The following NBEA variants were observed in gnomAD, a reference collection of about 807,000 sequenced individuals.
NBEA encodes the protein lysosomal-trafficking regulator 2.
A neutral mutation model predicts 343.4 loss-of-function variants in NBEA; 44 were observed. The ratio of observed to expected loss-of-function variants is 0.13; its 90% CI spans 0.10 to 0.16. NBEA has a LOEUF of 0.16. Ranked by LOEUF, NBEA falls within the 10% of genes least tolerant of loss-of-function variation. NBEA has a pLI of 1.00. For missense variants in NBEA, 2,555 were observed against 3,631.3 expected (o/e 0.70, Z 7.62); for synonymous variants, 1,175 against 1,238.7 (o/e 0.95, Z 1.08).
intron 1 of NBEA, among the ~76,000 whole-genome samples, chr13:35,032,314 T>C (rs2062257906): frequency 6.6e-6 from 1 of 151,760 alleles, no homozygotes; most frequent in Admixed American, 6.6e-5. Flanking sequence ...CAGCACCTGT[T>C]ATTTTTGACT....
At chr13:34,950,980 G>A (rs1053103166) in intron 1 of NBEA, among the ~76,000 whole-genome samples, 1 of 152,038 alleles carries the variant, frequency 6.6e-6, no homozygotes, top group Non-Finnish European at 1.5e-5. Flanking sequence ...GTAAGATCCT[G>A]TCTCACAAAA....
At chr13:35,295,854 T>C (rs966999136) in intron 35 of NBEA, among the ~76,000 whole-genome samples, 3 of 152,204 alleles carry the variant, frequency 2.0e-5, no homozygotes, top group Non-Finnish European at 4.4e-5. Context: ...TACTTTTGAT[T>C]AGTTCTATGA....
At chr13:35,577,517 G>C (rs1301866672) in intron 45 of NBEA, among the ~76,000 whole-genome samples, 3 of 151,946 alleles carry the variant, frequency 2.0e-5, no homozygotes, top group African/African-American at 7.3e-5. Flanking sequence ...TTGTTCATTA[G>C]CTTCTTATTG....
At position 35,263,828 on chromosome 13, in the gene NBEA, A is replaced by G. The variant is rs570600686; in HGVS notation, c.5777-26561A>G. On this transcript the variant is annotated intron_variant, in intron 34 of 58. Coordinates refer to ENST00000379939, the MANE Select transcript of NBEA (RefSeq NM_001385012.1). ...ATAAATGCCTACATCAAAAAAGAAG[A>G]AAGATCTCACACAACCTACAGTGTA... Among the ~76,000 whole-genome samples, 5 of 152,150 alleles carry G rather than the reference A, an allele frequency of 3.3e-5. No individual in the cohort carries two copies. In the East Asian group the frequency reaches 9.6e-4, roughly 29 times the overall value.
intron 41 of NBEA, among the ~76,000 whole-genome samples, chr13:35,538,339 A>G (rs1438915697): frequency 6.6e-6 from 1 of 152,234 alleles, no homozygotes; most frequent in East Asian, 1.9e-4. Context: ...TTGAACTATC[A>G]GAAAGCAAAG....
intron 38 of NBEA, among the ~76,000 whole-genome samples, chr13:35,367,592 A>G (rs2041195111): frequency 6.7e-6 from 1 of 150,042 alleles, no homozygotes; most frequent in Non-Finnish European, 1.5e-5. Context: ...TTCTATTACC[A>G]TTATTCAGTA....
chr13:35,327,441 C>A (rs1000651934), intron 36 of NBEA, among the ~76,000 whole-genome samples: 5 of 152,056 alleles, frequency 3.3e-5, no homozygotes, highest in Admixed American at 3.3e-4. Flanking sequence ...GAATACTATG[C>A]AGCCATAAAG....
intron 36 of NBEA, among the ~76,000 whole-genome samples, chr13:35,328,140 G>A (rs1274964333): frequency 6.6e-6 from 1 of 151,812 alleles, no homozygotes; most frequent in African/African-American, 2.4e-5. Context: ...ATGACAGAAG[G>A]TATTAGAACT....
intron 55 of NBEA, among the ~76,000 whole-genome samples, chr13:35,660,261 C>A (rs2085022222): frequency 6.6e-6 from 1 of 152,134 alleles, no homozygotes; most frequent in Non-Finnish European, 1.5e-5. Flanking sequence ...GCTCAAAAGC[C>A]AATCTGCTTT....
intron 1 of NBEA, among the ~76,000 whole-genome samples, chr13:34,991,967 T>C (rs1209675820): frequency 6.7e-6 from 1 of 150,176 alleles, no homozygotes; most frequent in African/African-American, 2.4e-5. Flanking sequence ...ACCACTGTCT[T>C]ATGGTTGTTT....
intron 38 of NBEA, among the ~76,000 whole-genome samples, chr13:35,364,019 C>T (rs1042966794): frequency 6.6e-6 from 1 of 151,878 alleles, no homozygotes; most frequent in African/African-American, 2.4e-5. Context: ...GTTTGCCTTG[C>T]CTGTGGCATG....
At chr13:35,424,037 A>C (rs2044479611) in intron 38 of NBEA, among the ~76,000 whole-genome samples, 1 of 152,204 alleles carries the variant, frequency 6.6e-6, no homozygotes, top group Non-Finnish European at 1.5e-5. Flanking sequence ...TTATCAGCTT[A>C]AGGAGATTTT....
At chr13:35,216,547 T>G (rs1353698101) in intron 33 of NBEA, among the ~76,000 whole-genome samples, 1 of 151,990 alleles carries the variant, frequency 6.6e-6, no homozygotes, top group African/African-American at 2.4e-5. Flanking sequence ...AAGCCATAAC[T>G]TTTCCTCCAA....
At chr13:35,590,977 A>G (rs952987480) in intron 46 of NBEA, among the ~76,000 whole-genome samples, 1 of 152,112 alleles carries the variant, frequency 6.6e-6, no homozygotes, top group African/African-American at 2.4e-5. Flanking sequence ...AGAGATAAAT[A>G]AGGCCTTAGG....
chr13:35,466,679 G>A (rs2075399290), intron 40 of NBEA, among the ~76,000 whole-genome samples: 1 of 151,900 alleles, frequency 6.6e-6, no homozygotes, highest in African/African-American at 2.4e-5. Context: ...ATATTGCCCA[G>A]GCTGGTCTCA....
intron 1 of NBEA, among the ~76,000 whole-genome samples, chr13:35,007,960 T>C (rs542440996): frequency 6.6e-6 from 1 of 152,350 alleles, no homozygotes; most frequent in East Asian, 1.9e-4. Flanking sequence ...CTATTTTTTA[T>C]TGATGTCTGA....
At chr13:35,535,200 A>G (rs1403409237) in intron 41 of NBEA, among the ~76,000 whole-genome samples, 1 of 152,210 alleles carries the variant, frequency 6.6e-6, no homozygotes, top group Non-Finnish European at 1.5e-5. Flanking sequence ...TTGAAGAGCT[A>G]ATTTTCCTGT....
intron 38 of NBEA, among the ~76,000 whole-genome samples, chr13:35,422,777 G>A (rs1388630753): frequency 6.6e-6 from 1 of 152,168 alleles, no homozygotes; most frequent in African/African-American, 2.4e-5. Flanking sequence ...GTGTAAAAGT[G>A]TTCCTATTTC....
At chr13:35,226,057 C>G (rs1593830141) in intron 33 of NBEA, among the ~76,000 whole-genome samples, 2 of 152,184 alleles carry the variant, frequency 1.3e-5, no homozygotes, top group Admixed American at 1.3e-4. Flanking sequence ...TTCCAGAAAA[C>G]AAATTCTTTC....
Sources: gnomAD v4.1 joint callset for allele counts (sites outside exome capture counted in the v4.1 genomes callset) on GRCh38, gnomAD v4.1.1 for gene constraint, MANE v1.5 for transcripts, NCBI Gene and HGNC (gene_info 2026-07-23, HGNC 2026-07-21) for gene names.